OSBPL10: variants seen among roughly 807,000 people sequenced by gnomAD.
OSBPL10 encodes oxysterol-binding protein-related protein 10.
Under a neutral mutation model 81.7 loss-of-function variants are expected in OSBPL10, and 49 were observed. The ratio of observed to expected loss-of-function variants is 0.60; its 90% CI spans 0.48 to 0.76. OSBPL10 has a LOEUF of 0.76. Ranked by LOEUF, OSBPL10 falls within the 30% of genes least tolerant of loss-of-function variation. The pLI is 0.00. For synonymous variants in OSBPL10, 419 were observed against 383.6 expected (o/e 1.09, Z -1.08); for missense variants, 923 against 987.8 (o/e 0.93, Z 0.88).
At chr3:31,952,870 T>G (rs971634371) in intron 1 of OSBPL10, among the ~76,000 whole-genome samples, 7 of 152,286 alleles carry the variant, frequency 4.6e-5, no homozygotes, top group Admixed American at 2.6e-4. Flanking sequence ...GGGTCCTATA[T>G]TCTGGTTCAA....
intron 4 of OSBPL10, among the ~76,000 whole-genome samples, chr3:31,812,718 A>AAAAAAAAGAAAGAAAGAAAGAAAGAAAG (rs1699714823): frequency 1.2e-4 from 5 of 41,922 alleles, no homozygotes; most frequent in Non-Finnish European, 2.5e-4. Context: ...TAGGCAAAAA[A>AAAAAAAAGAAAGAAAGAAAGAAAGAAAG]AAAGAAAGAA....
chr3:31,849,233 A>G (rs6550076), intron 3 of OSBPL10, among the ~76,000 whole-genome samples: 117,819 of 152,136 alleles, frequency 0.77, 45,781 homozygotes, highest in East Asian at 0.86. Flanking sequence ...GATAAGAAGA[A>G]ATGTCCAGCA....
intron 2 of OSBPL10, among the ~76,000 whole-genome samples, chr3:32,003,179 T>C (rs1699168307): frequency 6.6e-6 from 1 of 152,170 alleles, no homozygotes; most frequent in African/African-American, 2.4e-5. Context: ...CTAGAATGCT[T>C]TGGAGGACTG....
intron 1 of OSBPL10, among the ~76,000 whole-genome samples, chr3:31,937,086 C>A (rs1260071307): frequency 6.6e-6 from 1 of 152,080 alleles, no homozygotes; most frequent in African/African-American, 2.4e-5. Flanking sequence ...AGATCAAGAC[C>A]ATCCTGGGCA....
chr3:31,810,626 T>C (rs1361126088), intron 4 of OSBPL10, among the ~76,000 whole-genome samples: 1 of 152,044 alleles, frequency 6.6e-6, no homozygotes, highest in East Asian at 1.9e-4. Context: ...TAAATAAAAA[T>C]GGGCAAAAAA....
At chr3:31,669,633 G>C (rs1017989499) in intron 9 of OSBPL10, among the ~76,000 whole-genome samples, 6 of 152,126 alleles carry the variant, frequency 3.9e-5, no homozygotes, top group Non-Finnish European at 8.8e-5. Flanking sequence ...GTGGAGATTT[G>C]CGACCTCTCT....
At chr3:32,042,679 A>G (rs1317126003) in intron 2 of OSBPL10, among the ~76,000 whole-genome samples, 1 of 152,188 alleles carries the variant, frequency 6.6e-6, no homozygotes, top group Non-Finnish European at 1.5e-5. Context: ...GTGACATCAC[A>G]TATCGGTAGG....
At chr3:31,703,185 T>C (rs1023012068) in intron 6 of OSBPL10, among the ~76,000 whole-genome samples, 1 of 152,228 alleles carries the variant, frequency 6.6e-6, no homozygotes, top group African/African-American at 2.4e-5. Context: ...TCACATTACA[T>C]AGAAAACAGG....
chr3:31,768,596 C>T (rs2125739775), intron 4 of OSBPL10, among the ~76,000 whole-genome samples: 2 of 152,194 alleles, frequency 1.3e-5, no homozygotes, highest in Middle Eastern at 6.8e-3. Flanking sequence ...TATTTCACTC[C>T]AGGGATAAAT....
intron 4 of OSBPL10, among the ~76,000 whole-genome samples, chr3:31,816,382 G>A (rs1559478145): frequency 6.6e-6 from 1 of 152,214 alleles, no homozygotes; most frequent in Non-Finnish European, 1.5e-5. Context: ...GTGTGTGCAA[G>A]AACCAAGCCT....
intron 4 of OSBPL10, among the ~76,000 whole-genome samples, chr3:31,772,991 G>C (rs112461864): frequency 6.7e-5 from 10 of 149,740 alleles, no homozygotes; most frequent in Admixed American, 5.9e-4. Context: ...CCTGGGTAAC[G>C]TGACCAAACT....
At chr3:32,024,103 T>C (rs918038498) in intron 2 of OSBPL10, among the ~76,000 whole-genome samples, 2 of 152,236 alleles carry the variant, frequency 1.3e-5, no homozygotes, top group South Asian at 2.1e-4. Context: ...TCTTGATTAC[T>C]GTCGTTTTAA....
chr3:31,726,336 G>A (rs1696807851), intron 6 of OSBPL10, among the ~76,000 whole-genome samples: 1 of 151,668 alleles, frequency 6.6e-6, no homozygotes, highest in African/African-American at 2.4e-5. Flanking sequence ...TTATTTTGTG[G>A]AGACAGAGTC....
intron 4 of OSBPL10, among the ~76,000 whole-genome samples, chr3:31,783,224 G>A (rs1350204629): frequency 6.6e-6 from 1 of 150,592 alleles, no homozygotes; most frequent in Non-Finnish European, 1.5e-5. Flanking sequence ...GATGGAGTTG[G>A]AGACCATTAT....
At chr3:31,743,229 T>C (rs9813522) in intron 5 of OSBPL10, among the ~76,000 whole-genome samples, 133,601 of 151,714 alleles carry the variant, frequency 0.88, 58,959 homozygotes, top group East Asian at 1. Flanking sequence ...TTAGTAGAGA[T>C]GTGATTTCAT....
chr3:31,855,874 G>A (rs62243012), intron 3 of OSBPL10, among the ~76,000 whole-genome samples: 32,881 of 151,814 alleles, frequency 0.22, 4,243 homozygotes, highest in East Asian at 0.48. Context: ...GAGGGCTAGC[G>A]ATGGAAAATC....
At chr3:31,833,727 A>T (rs1700304863) in intron 3 of OSBPL10, among the ~76,000 whole-genome samples, 1 of 151,026 alleles carries the variant, frequency 6.6e-6, no homozygotes, top group African/African-American at 2.5e-5. Context: ...ACACACACAC[A>T]CACACACACA....
intron 8 of OSBPL10, among the ~76,000 whole-genome samples, chr3:31,671,647 T>C (rs1334439833): frequency 6.6e-6 from 1 of 151,984 alleles, no homozygotes; most frequent in East Asian, 1.9e-4. Flanking sequence ...CTGCCAAGAG[T>C]GGGACTCTGT....
intron 6 of OSBPL10, among the ~76,000 whole-genome samples, chr3:31,731,319 C>T (rs1696964858): frequency 6.6e-6 from 1 of 152,152 alleles, no homozygotes; most frequent in African/African-American, 2.4e-5. Flanking sequence ...ACTTTCCCTA[C>T]TACATGGAAT....
Sources: gnomAD v4.1 joint callset for allele counts (sites outside exome capture counted in the v4.1 genomes callset) on GRCh38, gnomAD v4.1.1 for gene constraint, MANE v1.5 for transcripts, NCBI Gene and HGNC (gene_info 2026-07-23, HGNC 2026-07-21) for gene names.